The following LDLRAD4 variants were observed in gnomAD, a reference collection of about 807,000 sequenced individuals.
The protein encoded by LDLRAD4 is low density lipoprotein receptor class A domain containing 4, also known as low-density lipoprotein receptor class A domain-containing protein 4.
In LDLRAD4, 5 loss-of-function variants were observed where a neutral mutation model predicts 17.0. The observed-to-expected ratio is 0.29, with a 90% confidence interval of 0.15 to 0.62. LDLRAD4 has a LOEUF of 0.62. Ranked by LOEUF, LDLRAD4 falls within the 20% of genes least tolerant of loss-of-function variation. The probability of loss-of-function intolerance (pLI) is 0.84; values close to 1 mark genes in which losing one functional copy is unlikely to be tolerated. For synonymous variants in LDLRAD4, 168 were observed against 171.8 expected (o/e 0.98, Z 0.17); for missense variants, 340 against 424.7 (o/e 0.80, Z 1.75).
At chr18:13,478,680 T>C (rs1055465722) in intron 3 of LDLRAD4, among the ~76,000 whole-genome samples, 1 of 152,240 alleles carries the variant, frequency 6.6e-6, no homozygotes, top group East Asian at 1.9e-4. Flanking sequence ...AGACTTAATA[T>C]AGTCAAGATG....
At chr18:13,576,785 G>A (rs749926868) in intron 3 of LDLRAD4, among the ~76,000 whole-genome samples, 1 of 152,204 alleles carries the variant, frequency 6.6e-6, no homozygotes, top group Admixed American at 6.5e-5. Context: ...GGGGATGTCC[G>A]GAGGCTGTGG....
chr18:13,520,316 T>C (rs907824001), intron 3 of LDLRAD4: 3 of 152,236 alleles, frequency 2.0e-5, no homozygotes, highest in African/African-American at 7.2e-5. Flanking sequence ...CCTTGAATAG[T>C]AGCAGTGGGG....
chr18:13,247,947 C>T (rs796978587), intron 1 of LDLRAD4, among the ~76,000 whole-genome samples: 60 of 41,470 alleles, frequency 1.4e-3, no homozygotes, highest in African/African-American at 1.8e-4. Flanking sequence ...CTGCACACAG[C>T]GCCGCCCCCC....
chr18:13,444,064 G>T (rs2091222759), intron 3 of LDLRAD4, among the ~76,000 whole-genome samples: 3 of 152,162 alleles, frequency 2.0e-5, no homozygotes, highest in African/African-American at 4.8e-5. Context: ...TCTATAAAGA[G>T]AAATTCCCCA....
intron 2 of LDLRAD4, chr18:13,419,349 TG>T (rs2089233809): frequency 1.3e-5 from 2 of 152,186 alleles, no homozygotes; most frequent in African/African-American, 2.4e-5. Context: ...GCCATAGTTT[TG>T]GATCATGATT....
intron 1 of LDLRAD4, among the ~76,000 whole-genome samples, chr18:13,225,983 G>A (rs761281620): frequency 3.3e-5 from 5 of 151,772 alleles, no homozygotes; most frequent in Non-Finnish European, 5.9e-5. Flanking sequence ...TGCATTGAAC[G>A]TCTTTAAACT....
intron 1 of LDLRAD4, among the ~76,000 whole-genome samples, chr18:13,373,177 G>GTA (rs1555664607): frequency 3.6e-4 from 55 of 151,972 alleles, no homozygotes; most frequent in African/African-American, 1.3e-3. Context: ...GTGTGTGTGT[G>GTA]TCTTTTGAGC....
intron 1 of LDLRAD4, among the ~76,000 whole-genome samples, chr18:13,302,916 T>C (rs1167925702): frequency 1.3e-5 from 2 of 152,278 alleles, no homozygotes; most frequent in South Asian, 2.1e-4. Flanking sequence ...GTTACTGTTA[T>C]ATGCAGATTT....
intron 3 of LDLRAD4, among the ~76,000 whole-genome samples, chr18:13,545,953 T>C (rs952413066): frequency 6.6e-6 from 1 of 152,186 alleles, no homozygotes; most frequent in Non-Finnish European, 1.5e-5. Flanking sequence ...GGGAGTTTCT[T>C]AGCAGCAGCA....
chr18:13,344,158 A>G (rs531805848), intron 1 of LDLRAD4, among the ~76,000 whole-genome samples: 1 of 152,328 alleles, frequency 6.6e-6, no homozygotes, highest in East Asian at 1.9e-4. Flanking sequence ...GTCCTTGCCC[A>G]TGCCTACGTC....
chr18:13,254,895 C>T (rs978946454), intron 1 of LDLRAD4, among the ~76,000 whole-genome samples: 4 of 152,172 alleles, frequency 2.6e-5, no homozygotes, highest in Non-Finnish European at 5.9e-5. Flanking sequence ...GCCCAGGAGG[C>T]AGAGGTGGCA....
intron 1 of LDLRAD4, among the ~76,000 whole-genome samples, chr18:13,246,940 GTT>G (rs201860613): frequency 2.9e-4 from 42 of 144,706 alleles, no homozygotes; most frequent in Non-Finnish European, 4.4e-4. Context: ...ATCTACAAGG[GTT>G]TTTTTTTTTT....
At chr18:13,634,726 A>C (rs1425702051) in intron 4 of LDLRAD4, among the ~76,000 whole-genome samples, 3 of 152,032 alleles carry the variant, frequency 2.0e-5, no homozygotes, top group Non-Finnish European at 1.5e-5. Flanking sequence ...AATCCATCCT[A>C]ACGTTTATAT....
intron 3 of LDLRAD4, among the ~76,000 whole-genome samples, chr18:13,561,206 C>T (rs762358723): frequency 6.6e-6 from 1 of 152,138 alleles, no homozygotes; most frequent in Non-Finnish European, 1.5e-5. Flanking sequence ...GCGTTAAGAG[C>T]GTGACATGAA....
intron 3 of LDLRAD4, among the ~76,000 whole-genome samples, chr18:13,600,474 C>G (rs28410313): frequency 0.42 from 63,123 of 152,084 alleles, 13,770 homozygotes; most frequent in East Asian, 0.62. Context: ...GACCAGCATC[C>G]AACTGCATCA....
intron 3 of LDLRAD4, among the ~76,000 whole-genome samples, chr18:13,599,486 ATTTTTTTTT>A (rs35131642): frequency 1.2e-5 from 1 of 81,756 alleles, no homozygotes; most frequent in Non-Finnish European, 2.4e-5. Context: ...TGAGTCTCCA[ATTTTTTTTT>A]TTTTTTTTTT....
chr18:13,639,482 T>G (rs2042342937), intron 4 of LDLRAD4, among the ~76,000 whole-genome samples: 1 of 152,236 alleles, frequency 6.6e-6, no homozygotes, highest in Non-Finnish European at 1.5e-5. Context: ...GACGGTGACC[T>G]TGCCAACAAT....
chr18:13,458,994 A>G (rs1219443296), intron 3 of LDLRAD4, among the ~76,000 whole-genome samples: 1 of 152,126 alleles, frequency 6.6e-6, no homozygotes, highest in Non-Finnish European at 1.5e-5. Flanking sequence ...TTGGATTCCC[A>G]ACCTGTAGAA....
intron 1 of LDLRAD4, among the ~76,000 whole-genome samples, chr18:13,239,178 C>T (rs971446492): frequency 7.9e-6 from 1 of 126,230 alleles, no homozygotes; most frequent in African/African-American, 3.3e-5. Flanking sequence ...CAGAGCAAGA[C>T]TCTGTCTCAA....
Sources: allele counts gnomAD v4.1 joint callset (sites outside exome capture counted in the v4.1 genomes callset), GRCh38; gene constraint gnomAD v4.1.1; transcripts MANE v1.5; gene names NCBI Gene and HGNC (gene_info 2026-07-23, HGNC 2026-07-21).